Variants in AKAP7 observed in about 807,000 individuals in gnomAD.
AKAP7 encodes the protein A kinase (PRKA) anchor protein 7.
A neutral mutation model predicts 39.5 loss-of-function variants in AKAP7; 39 were observed. That is an observed-to-expected ratio of 0.99 (90% CI 0.76 to 1.29). The LOEUF (loss-of-function observed/expected upper bound fraction) is 1.29, where lower values mean the gene tolerates loss of function less well. Among genes scored for constraint, AKAP7 ranks in the 50% most tolerant of loss-of-function variants. AKAP7 has a pLI of 0.00. For synonymous variants in AKAP7, 140 were observed against 139.1 expected (o/e 1.01, Z -0.05); for missense variants, 414 against 407.7 (o/e 1.02, Z -0.13).
chr6:131,175,344 C>CA (rs1804476321), intron 5 of AKAP7, among the ~76,000 whole-genome samples: 1 of 152,124 alleles, frequency 6.6e-6, no homozygotes, highest in African/African-American at 2.4e-5. Context: ...CTGCTTAGTT[C>CA]AAACCTGTGT....
chr6:131,149,656 A>G (rs1232625989), intron 2 of AKAP7, among the ~76,000 whole-genome samples: 1 of 152,178 alleles, frequency 6.6e-6, no homozygotes, highest in African/African-American at 2.4e-5. Context: ...CAAAAAAGAA[A>G]TGATGAGGAG....
At chr6:131,137,721 C>A (rs1800686267) in intron 1 of AKAP7, 1 of 152,022 alleles carries the variant, frequency 6.6e-6, no homozygotes, top group African/African-American at 2.4e-5. Context: ...ATTTGCTTCA[C>A]CTGTATTTGA....
chr6:131,169,390 A>G, intron 5 of AKAP7, 117 bp downstream of exon 5: 2 of 1,131,730 alleles, frequency 1.8e-6, no homozygotes, highest in Non-Finnish European at 2.6e-6. Flanking sequence ...AGACTCAAGT[A>G]TTTTTTAGGA....
intron 1 of AKAP7, among the ~76,000 whole-genome samples, chr6:131,143,260 G>A (rs923000781): frequency 2.0e-5 from 3 of 151,750 alleles, no homozygotes; most frequent in African/African-American, 7.3e-5. Context: ...CAAATCCCGT[G>A]TTGAGATGTA....
intron 5 of AKAP7, among the ~76,000 whole-genome samples, chr6:131,178,804 A>C (rs1351690298): frequency 6.6e-6 from 1 of 152,004 alleles, no homozygotes; most frequent in Non-Finnish European, 1.5e-5. Flanking sequence ...TTTTGCGCCA[A>C]CACCTGGGCA....
Position 131,202,310 on chromosome 6 carries a change from C to CG in AKAP7, c.702+2737_702+2738insG, listed in dbSNP as rs779964239. Among the ~76,000 whole-genome samples the CG allele has an allele frequency of 1.9e-4, 27 of 143,632 alleles. No individual in the cohort carries two copies. In the East Asian group the frequency reaches 4.4e-3, roughly 24 times the overall value. 94.2% of individuals were successfully genotyped at this position (143,632 alleles called of 152,430 possible). A position where few individuals can be genotyped will look rare whatever the true frequency, so the allele number is the denominator to read the frequency against. On this transcript the variant is annotated intron_variant, in intron 6 of 7. Coordinates refer to ENST00000431975, the MANE Select transcript of AKAP7 (RefSeq NM_016377.4). ...ATGCTGCTATAAAGACACGTGCACA[C>CG]ATATGTTTATTGCGGCACTATTCAC...
At chr6:131,132,769 T>A (rs1800355123), upstream of AKAP7, among the ~76,000 whole-genome samples, 1 of 152,234 alleles carries the variant, frequency 6.6e-6, no homozygotes, top group Non-Finnish European at 1.5e-5. Context: ...AGGTGAAATA[T>A]TTATGGCAAG....
At chr6:131,231,533 A>G (rs1810621436) in intron 7 of AKAP7, among the ~76,000 whole-genome samples, 1 of 152,178 alleles carries the variant, frequency 6.6e-6, no homozygotes, top group African/African-American at 2.4e-5. Context: ...AAAACTTAGC[A>G]GTTAGAAATT....
intron 1 of AKAP7, among the ~76,000 whole-genome samples, chr6:131,140,328 A>G (rs1800924148): frequency 6.6e-6 from 1 of 152,016 alleles, no homozygotes; most frequent in South Asian, 2.1e-4. Context: ...TACCATTGTT[A>G]CCGTGTGATT....
At chr6:131,185,285 CAGAG>C (rs1805723619) in intron 5 of AKAP7, 1 of 470,976 alleles carries the variant, frequency 2.1e-6, no homozygotes, top group Non-Finnish European at 4.0e-6. Flanking sequence ...AGTAGTTGTC[CAGAG>C]GCCAATCCTA....
chr6:131,213,262 A>AAAC (rs1808841383), intron 6 of AKAP7, among the ~76,000 whole-genome samples: 1 of 152,198 alleles, frequency 6.6e-6, no homozygotes, highest in Non-Finnish European at 1.5e-5. Context: ...GACGTTTTTT[A>AAAC]TACCAGTGAA....
At chr6:131,136,291 A>G (rs1006473752) in intron 1 of AKAP7, among the ~76,000 whole-genome samples, 1 of 152,172 alleles carries the variant, frequency 6.6e-6, no homozygotes, top group African/African-American at 2.4e-5. Context: ...ATGAATTTCC[A>G]GTTTAGGTCA....
intron 5 of AKAP7, among the ~76,000 whole-genome samples, chr6:131,183,320 G>T (rs932495915): frequency 6.6e-6 from 1 of 152,170 alleles, no homozygotes; most frequent in Non-Finnish European, 1.5e-5. Flanking sequence ...CTGCTAGCGA[G>T]CATGCAGGGG....
intron 7 of AKAP7, among the ~76,000 whole-genome samples, chr6:131,275,190 T>C (rs989382121): frequency 2.0e-5 from 3 of 152,224 alleles, no homozygotes; most frequent in Admixed American, 2.0e-4. Flanking sequence ...TTAAAATAAG[T>C]TGAACTCAGA....
chr6:131,281,720 G>C lies in AKAP7; in HGVS notation c.1041G>C (p.Arg347Ser), dbSNP rs781239593. The C allele has an allele frequency of 2.2e-5, 35 of 1,600,920 alleles. No homozygotes were observed. Among genetic ancestry groups the C allele is most frequent in the Non-Finnish European group, 2.8e-5 (33 of 1,173,392 alleles). Residue 347 changes from arginine (R) to serine (S), a missense_variant, in exon 8 of 8, where the codon AGG becomes AGC. Arg to Ser is a moderately radical substitution (Grantham distance 110). Transcript: ENST00000431975. The surrounding 1 kb of genome is among the most constrained non-coding windows in gnomAD (Gnocchi z 4.0). The stretch of plus-strand genomic sequence containing the variant: ...ATGGCAATGACAATGAGAACAACAG[G>C]AAATGAGCCCGGAACGCAGGCCCCC... ...DQNGNDNENNRK is the reference protein window; with the variant it reads ...DQNGNDNENNSK
intron 7 of AKAP7, among the ~76,000 whole-genome samples, chr6:131,227,789 A>G (rs1475728478): frequency 6.6e-6 from 1 of 152,230 alleles, no homozygotes; most frequent in African/African-American, 2.4e-5. Flanking sequence ...CTGAAACACT[A>G]AGGATAATTC....
intron 1 of AKAP7, among the ~76,000 whole-genome samples, chr6:131,139,363 T>C (rs1298922047): frequency 1.3e-5 from 2 of 152,236 alleles, no homozygotes; most frequent in Non-Finnish European, 2.9e-5. Context: ...GTATTTCAAG[T>C]TCTAGACTCC....
intron 7 of AKAP7, among the ~76,000 whole-genome samples, chr6:131,230,688 G>C (rs1037448809): frequency 1.3e-5 from 2 of 151,966 alleles, no homozygotes; most frequent in African/African-American, 4.8e-5. Context: ...TATTTCCTAG[G>C]TTTTCTTCTA....
chr6:131,261,114 T>TC (rs748305862), intron 7 of AKAP7, among the ~76,000 whole-genome samples: 1 of 151,534 alleles, frequency 6.6e-6, no homozygotes, highest in Admixed American at 6.6e-5. Flanking sequence ...GAGAATCGCT[T>TC]GAACCCAGGA....
Sources: gnomAD v4.1 joint callset for allele counts (sites outside exome capture counted in the v4.1 genomes callset) on GRCh38, gnomAD v4.1.1 for gene constraint, Gnocchi (gnomAD v3.1) non-coding constraint, MANE v1.5 for transcripts, NCBI Gene and HGNC (gene_info 2026-07-23, HGNC 2026-07-21) for gene names.